Variants in DIS3L2 observed in about 807,000 individuals in gnomAD.
The protein encoded by DIS3L2 is DIS3-like exonuclease 2.
DIS3L2 carries 34 observed loss-of-function variants against 97.5 expected under a neutral mutation model. The ratio of observed to expected loss-of-function variants is 0.35; its 90% CI spans 0.27 to 0.46. The LOEUF (loss-of-function observed/expected upper bound fraction) is 0.46. Among genes scored for constraint, DIS3L2 ranks in the 20% least tolerant of loss-of-function variants. The pLI, the probability that DIS3L2 is intolerant of heterozygous loss-of-function variation, is 1.00. For missense variants in DIS3L2, 1,038 were observed against 1,146.0 expected (o/e 0.91, Z 1.36); for synonymous variants, 435 against 445.2 (o/e 0.98, Z 0.29).
In DIS3L2 at chr2:232,342,504, T is replaced by C. The variant is rs145744546; in HGVS notation, c.1582-841T>C. ...CTTTAAACTACATTCACATATAACT[T>C]GGACAAAAGTAAAAACTGAAGTTGA... On this transcript the variant is annotated intron_variant, in intron 13 of 13. Transcript: ENST00000273009. Among the ~76,000 whole-genome samples the C allele has an allele frequency of 5.4e-3, 818 of 152,218 alleles. 10 individuals are homozygous for C. Among genetic ancestry groups the C allele is most frequent in the African/African-American group, 0.018 (757 of 41,530 alleles).
chr2:232,148,231 T>C (rs1690278288), intron 8 of DIS3L2, among the ~76,000 whole-genome samples: 2 of 151,972 alleles, frequency 1.3e-5, no homozygotes, highest in African/African-American at 4.8e-5. Flanking sequence ...ATATTTTTAG[T>C]AGAGATGGGG....
rs1466193014 is a variant in DIS3L2 at position 232,337,024 on chromosome 2, C to T, written c.*394C>T. The T allele has an allele frequency of 1.8e-6, 2 of 1,083,492 alleles. No individual in the cohort carries two copies. Among genetic ancestry groups the T allele is most frequent in the Non-Finnish European group, 2.2e-6 (2 of 890,224 alleles). The allele number at this position is 1,083,492 out of a possible 1,614,324, so 67.1% of individuals were successfully genotyped here. The stretch of plus-strand genomic sequence containing the variant: ...GGGAAGCCTGGGCAGCAGAATGCCC[C>T]TTGCACCCAGGGCAAGGGACCCAGT... On this transcript the variant is annotated 3_prime_UTR_variant, in exon 21 of 21. Transcript: ENST00000325385.
At chr2:232,243,800 G>T (rs1693172771) in intron 11 of DIS3L2, among the ~76,000 whole-genome samples, 1 of 152,208 alleles carries the variant, frequency 6.6e-6, no homozygotes, top group African/African-American at 2.4e-5. Flanking sequence ...TGTCCCCTCG[G>T]AGATAGGGTC....
At chr2:232,010,831 T>C (rs1694178415) in intron 1 of DIS3L2, among the ~76,000 whole-genome samples, 2 of 152,360 alleles carry the variant, frequency 1.3e-5, no homozygotes, top group South Asian at 2.1e-4. Flanking sequence ...GCTTGCCCCA[T>C]TGTAGTCCTG....
chr2:232,000,543 C>T (rs59873201), intron 1 of DIS3L2, among the ~76,000 whole-genome samples: 6,182 of 151,960 alleles, frequency 0.041, 425 homozygotes, highest in African/African-American at 0.14. Flanking sequence ...GCTTATTTCA[C>T]TTAGCCTAAT....
chr2:232,329,785 T>TCCCCGGGGGCG, intron 14 of DIS3L2, 28 bp from the exon 15 acceptor site: 4 of 967,142 alleles, frequency 4.1e-6, no homozygotes, highest in Non-Finnish European at 4.4e-6. Context: ...ACCCCAGCGG[T>TCCCCGGGGGCG]CCCTCCCATC....
chr2:231,973,329 AAGAG>A (rs1302917814), intron 1 of DIS3L2, among the ~76,000 whole-genome samples: 13 of 152,200 alleles, frequency 8.5e-5, no homozygotes, highest in African/African-American at 1.4e-4. Flanking sequence ...CCTTGAAAGA[AAGAG>A]AGAATCAAAC....
chr2:232,229,377 G>A (rs1026734038), intron 10 of DIS3L2, among the ~76,000 whole-genome samples: 2 of 151,988 alleles, frequency 1.3e-5, no homozygotes, highest in South Asian at 2.1e-4. Context: ...AGGGTCCTTC[G>A]CAGTCCCTAG....
intron 5 of DIS3L2, among the ~76,000 whole-genome samples, chr2:232,032,245 T>C (rs1321832644): frequency 6.6e-6 from 1 of 152,278 alleles, no homozygotes; most frequent in Non-Finnish European, 1.5e-5. Context: ...TTGATTTGCA[T>C]TTCTCTAATG....
downstream of DIS3L2, among the ~76,000 whole-genome samples, chr2:232,340,059 G>C (rs1447692736): frequency 6.6e-6 from 1 of 152,190 alleles, no homozygotes; most frequent in Non-Finnish European, 1.5e-5. Context: ...GGCCTGACTG[G>C]CTGCAAGTCA....
chr2:232,205,211 C>CATAT (rs57163508), intron 9 of DIS3L2, among the ~76,000 whole-genome samples: 5,948 of 140,402 alleles, frequency 0.042, 155 homozygotes, highest in Middle Eastern at 0.066. Flanking sequence ...AGGCAGTTTA[C>CATAT]ATATATATAT....
chr2:232,029,556 C>T (rs1694748120), intron 4 of DIS3L2, among the ~76,000 whole-genome samples: 1 of 152,060 alleles, frequency 6.6e-6, no homozygotes, highest in South Asian at 2.1e-4. Context: ...GTGAAGATCA[C>T]GTGATGAATC....
chr2:232,326,278 C>T (rs1010059434), intron 14 of DIS3L2, among the ~76,000 whole-genome samples: 1 of 152,148 alleles, frequency 6.6e-6, no homozygotes, highest in African/African-American at 2.4e-5. Context: ...AGCCCTGACT[C>T]CCACCTTCCC....
chr2:232,299,818 G>C (rs997952206), intron 13 of DIS3L2, among the ~76,000 whole-genome samples: 1 of 152,188 alleles, frequency 6.6e-6, no homozygotes, highest in Non-Finnish European at 1.5e-5. Flanking sequence ...AAACGTATTG[G>C]TTGCATGCTG....
At chr2:232,302,775 G>T (rs1008594954) in intron 14 of DIS3L2, among the ~76,000 whole-genome samples, 5 of 151,822 alleles carry the variant, frequency 3.3e-5, no homozygotes, top group African/African-American at 9.7e-5. Flanking sequence ...TGGCGAGGCT[G>T]GTCTTGAATT....
chr2:231,998,011 TG>T (rs1199164230), intron 1 of DIS3L2, among the ~76,000 whole-genome samples: 2 of 152,208 alleles, frequency 1.3e-5, no homozygotes, highest in Non-Finnish European at 2.9e-5. Context: ...TCCTTTAATT[TG>T]GAACAGTTTT....
chr2:232,284,943 A>G (rs538624355), intron 13 of DIS3L2, among the ~76,000 whole-genome samples: 1 of 152,276 alleles, frequency 6.6e-6, no homozygotes, highest in South Asian at 2.1e-4. Context: ...GTGAAAGGAG[A>G]GCCCGAAGGA....
At chr2:232,058,800 G>A (rs1695618931) in intron 5 of DIS3L2, among the ~76,000 whole-genome samples, 1 of 152,108 alleles carries the variant, frequency 6.6e-6, no homozygotes, top group Non-Finnish European at 1.5e-5. Context: ...AGAATCCTTG[G>A]GTTAAGGTTT....
rs1016595269 is a variant in DIS3L2, at chr2:232,276,470, G to A, written c.1659+13030G>A. On this transcript the variant is annotated intron_variant, in intron 13 of 20. Transcript: ENST00000325385. This position sits in a 1 kb window ranked among gnomAD's most constrained non-coding sequence, Gnocchi z 4.4. ...ACCCTCCTGGCTGCCTAGTTTCCTGGCTGGGATTCCTGACCCCTGGTTGCC... is the reference window on the plus strand; with the variant it reads ...ACCCTCCTGGCTGCCTAGTTTCCTGACTGGGATTCCTGACCCCTGGTTGCC... Among the ~76,000 whole-genome samples, 2 of 152,172 alleles carry A rather than the reference G, an allele frequency of 1.3e-5. No individual in the cohort carries two copies. The highest frequency in any genetic ancestry group is 1.3e-4 in the Admixed American group (2 of 15,276).
Sources: allele counts gnomAD v4.1 joint callset (sites outside exome capture counted in the v4.1 genomes callset), GRCh38; gene constraint gnomAD v4.1.1; non-coding constraint Gnocchi (gnomAD v3.1); transcripts MANE v1.5; gene names NCBI Gene and HGNC (gene_info 2026-07-23, HGNC 2026-07-21).